SOX30: variants seen among roughly 807,000 people sequenced by gnomAD.
The protein encoded by SOX30 is SRY-box transcription factor 30, also known as transcription factor SOX-30.
Under a neutral mutation model 58.6 loss-of-function variants are expected in SOX30, and 17 were observed. The ratio of observed to expected loss-of-function variants is 0.29; its 90% CI spans 0.20 to 0.44. The LOEUF (loss-of-function observed/expected upper bound fraction) is 0.44, where lower values mean the gene tolerates loss of function less well. SOX30 is among the 20% of genes least tolerant of loss of function. The pLI, the probability that SOX30 is intolerant of heterozygous loss-of-function variation, is 1.00. For missense variants in SOX30, 951 were observed against 965.8 expected (o/e 0.98, Z 0.20); for synonymous variants, 421 against 400.2 (o/e 1.05, Z -0.62).
Position 157,651,485 on chromosome 5 carries a change from G to T in SOX30, c.594C>A (p.Gly198=). The change falls in exon 1 of 5, where the codon GGC becomes GGA. Residue 198 remains glycine (G), a synonymous_variant. Coordinates refer to ENST00000265007, the MANE Select transcript of SOX30 (RefSeq NM_178424.2). ...TGGCTGCCGGGCTTTTGCCTGCCCCGCCTTGCATCGAGTCTCTCATGACCT... is the reference window on the plus strand; with the variant it reads ...TGGCTGCCGGGCTTTTGCCTGCCCCTCCTTGCATCGAGTCTCTCATGACCT... ...AEEVMRDSMQ[G]GAGKSPAAIR... 6.2e-7 allele frequency: 1 copy of T among 1,613,408 alleles called. No homozygotes were observed. The highest frequency in any genetic ancestry group is 2.2e-5 in the East Asian group (1 of 44,880).
chr5:157,628,070 C>A (rs950728759), intron 4 of SOX30, among the ~76,000 whole-genome samples: 2 of 151,914 alleles, frequency 1.3e-5, no homozygotes, highest in Middle Eastern at 3.4e-3. Flanking sequence ...GTCCCAGCTA[C>A]TCAGGAGGCT....
intron 1 of SOX30, among the ~76,000 whole-genome samples, chr5:157,649,554 C>T (rs1561585407): frequency 6.6e-6 from 1 of 152,122 alleles, no homozygotes; most frequent in Non-Finnish European, 1.5e-5. Flanking sequence ...CTTTGGGAGG[C>T]CAAGGCAGGT....
At chr5:157,637,755 G>A (rs763648788) in intron 4 of SOX30, among the ~76,000 whole-genome samples, 1 of 151,664 alleles carries the variant, frequency 6.6e-6, no homozygotes, top group African/African-American at 2.4e-5. Context: ...TGAAGTTGGT[G>A]TGATCTCAGC....
upstream of SOX30, among the ~76,000 whole-genome samples, chr5:157,654,193 C>T (rs1759425585): frequency 6.6e-6 from 1 of 151,246 alleles, no homozygotes; most frequent in South Asian, 2.1e-4. Flanking sequence ...TATTGAAGAT[C>T]CCAAAAAAGC....
chr5:157,637,369 A>C (rs1758956044), intron 4 of SOX30, among the ~76,000 whole-genome samples: 1 of 152,142 alleles, frequency 6.6e-6, no homozygotes, highest in Admixed American at 6.6e-5. Context: ...ACCTAGGTAA[A>C]TAAACAATTT....
At chr5:157,655,033 T>C (rs1160253610), upstream of SOX30, among the ~76,000 whole-genome samples, 4 of 152,338 alleles carry the variant, frequency 2.6e-5, no homozygotes, top group East Asian at 5.8e-4. Flanking sequence ...GAATTCTTCC[T>C]TGTGCGAGAT....
chr5:157,632,882 A>G (rs1758844815), intron 4 of SOX30, among the ~76,000 whole-genome samples: 1 of 152,172 alleles, frequency 6.6e-6, no homozygotes. Context: ...TAAGGCCAGG[A>G]GTTCAAGACC....
intron 2 of SOX30, among the ~76,000 whole-genome samples, 185 bp downstream of exon 2, chr5:157,648,472 G>C (rs1459724580): frequency 6.6e-6 from 1 of 152,018 alleles, no homozygotes; most frequent in Admixed American, 6.6e-5. Context: ...CCTTTGCTTG[G>C]TTCTATTTAA....
chr5:157,627,623 T>A (rs1190128697), intron 4 of SOX30, among the ~76,000 whole-genome samples: 1 of 152,174 alleles, frequency 6.6e-6, no homozygotes, highest in Non-Finnish European at 1.5e-5. Flanking sequence ...TAAACTATGG[T>A]CTTAAAGGTC....
Position 157,638,287 on chromosome 5 carries a change from G to A in SOX30, c.1823C>T (p.Pro608Leu), listed in dbSNP as rs576437768. ...GTAAGGGTGATGAAAAGAGAATCTT[G>A]GTGGTGTCCCGAACAGTGTGGCTGG... ...GHPATLFGTPPRFSFHHPYFL... is the reference protein window; with the variant it reads ...GHPATLFGTPLRFSFHHPYFL... The change falls in exon 4 of 5, where the codon CCA becomes CTA. Residue 608 changes from proline (P) to leucine (L), a missense_variant. Around this residue, in one of 7 missense-constraint regions of SOX30, gnomAD observed 381 missense variants for 390.0 expected, o/e 0.98. Transcript: ENST00000265007. 2.5e-6 allele frequency: 4 copies of A among 1,584,422 alleles called. No homozygotes were observed. The highest frequency in any genetic ancestry group is 1.8e-5 in the Admixed American group (1 of 56,912).
At chr5:157,647,505 T>C (rs550600601) in intron 2 of SOX30, among the ~76,000 whole-genome samples, 25 of 152,288 alleles carry the variant, frequency 1.6e-4, no homozygotes, top group African/African-American at 5.5e-4. Flanking sequence ...TTTCCTCACT[T>C]TCTGTAAGTT....
Position 157,625,814 on chromosome 5 carries a change from A to C in SOX30, c.*526T>G, listed in dbSNP as rs1415360271. ...GCTGAAGAATCACCCAGGTGCCATTAAAACACATTTGGAACTTATAATTGG... is the reference window on the plus strand; with the variant it reads ...GCTGAAGAATCACCCAGGTGCCATTCAAACACATTTGGAACTTATAATTGG... On this transcript the variant is annotated 3_prime_UTR_variant, in exon 5 of 5. Transcript: ENST00000265007. 6.5e-6 allele frequency: 1 copy of C among 152,702 alleles called. No individual in the cohort carries two copies. The highest frequency in any genetic ancestry group is 2.4e-5 in the African/African-American group (1 of 41,474). The allele number at this position is 152,702 out of a possible 1,614,324, so 9.5% of individuals were successfully genotyped here.
At chr5:157,627,951 G>A (rs1758698322) in intron 4 of SOX30, among the ~76,000 whole-genome samples, 1 of 150,396 alleles carries the variant, frequency 6.6e-6, no homozygotes, top group Admixed American at 6.6e-5. Flanking sequence ...CCGCGATCAC[G>A]CCACCACACT....
intron 4 of SOX30, among the ~76,000 whole-genome samples, chr5:157,634,809 G>C (rs1309715532): frequency 2.6e-5 from 4 of 151,948 alleles, no homozygotes; most frequent in African/African-American, 9.7e-5. Flanking sequence ...CACCACACTT[G>C]GCTAATTTTT....
chr5:157,629,487 T>C (rs1758738068), intron 4 of SOX30, among the ~76,000 whole-genome samples: 1 of 152,120 alleles, frequency 6.6e-6, no homozygotes, highest in Non-Finnish European at 1.5e-5. Flanking sequence ...ACTATTTTGG[T>C]GTGGTAAAGA....
chr5:157,663,278 C>G (rs1249037604), intron 2 of SOX30, among the ~76,000 whole-genome samples: 13 of 152,092 alleles, frequency 8.5e-5, no homozygotes, highest in African/African-American at 2.2e-4. Context: ...TTCATCCCTG[C>G]GATGCAAGAC....
chr5:157,663,238 A>G (rs1323058476), intron 2 of SOX30, among the ~76,000 whole-genome samples: 1 of 152,176 alleles, frequency 6.6e-6, no homozygotes, highest in African/African-American at 2.4e-5. Context: ...GCAGCACGTC[A>G]AAAAGCTTAT....
intron 1 of SOX30, among the ~76,000 whole-genome samples, chr5:157,649,698 G>C (rs897811278): frequency 1.3e-5 from 2 of 152,118 alleles, no homozygotes; most frequent in African/African-American, 4.8e-5. Context: ...GCTGAGGCAG[G>C]AGAATCGCTT....
At chr5:157,670,862 A>T (rs1218041901) in intron 1 of SOX30, among the ~76,000 whole-genome samples, 2 of 152,178 alleles carry the variant, frequency 1.3e-5, no homozygotes, top group Non-Finnish European at 2.9e-5. Flanking sequence ...CTGGTCCATT[A>T]TGTGTGGGAA....
Sources: gnomAD v4.1 joint callset for allele counts (sites outside exome capture counted in the v4.1 genomes callset) on GRCh38, gnomAD v4.1.1 for gene constraint, gnomAD v4.1.1 regional missense constraint, MANE v1.5 for transcripts, NCBI Gene and HGNC (gene_info 2026-07-23, HGNC 2026-07-21) for gene names.